The following TBL1Y variants were observed in gnomAD, a reference collection of about 807,000 sequenced individuals.
TBL1Y encodes the protein F-box-like/WD repeat-containing protein TBL1Y.
Under a neutral mutation model 12.0 loss-of-function variants are expected in TBL1Y, and 15 were observed. That is an observed-to-expected ratio of 1.25 (90% CI 0.83 to 1.92). The LOEUF is 1.92. TBL1Y is among the 40% of genes most tolerant of loss of function. The pLI, the probability that TBL1Y is intolerant of heterozygous loss-of-function variation, is 0.00. For missense variants in TBL1Y, 148 were observed against 116.7 expected, an observed-to-expected ratio of 1.27 and a Z score of -1.24; for synonymous variants, 53 against 42.6, an observed-to-expected ratio of 1.24 and a Z score of -0.95.
chrY:6,934,874 C>T (rs2011892529), intron 2 of TBL1Y, among the ~76,000 whole-genome samples: 39 of 32,066 alleles, frequency 1.2e-3, no homozygotes, highest in African/African-American at 4.8e-3. Context: ...CTTTTTATAT[C>T]AAGATCTTGC....
At chrY:6,968,116 G>A (rs1281937237) in intron 2 of TBL1Y, among the ~76,000 whole-genome samples, 67 of 33,142 alleles carry the variant, frequency 2.0e-3, no homozygotes, top group Non-Finnish European at 3.7e-4. Flanking sequence ...TTTGGATAAG[G>A]GACCAACCTA....
intron 2 of TBL1Y, among the ~76,000 whole-genome samples, chrY:6,914,908 T>C: frequency 3.0e-5 from 1 of 33,527 alleles, no homozygotes; most frequent in Non-Finnish European, 7.3e-5. Context: ...TGACAACCTC[T>C]AGTTTTAGAT....
chrY:6,979,385 A>G (rs1030206152), intron 3 of TBL1Y, among the ~76,000 whole-genome samples: 1 of 34,043 alleles, frequency 2.9e-5, no homozygotes. Context: ...AAAAGATTCC[A>G]TGTTCTATAG....
intron 4 of TBL1Y, among the ~76,000 whole-genome samples, chrY:7,008,147 T>C (rs2012498767): frequency 3.0e-5 from 1 of 33,498 alleles, no homozygotes; most frequent in African/African-American, 1.2e-4. Flanking sequence ...TAGAGTGTGG[T>C]TGAGATGTGC....
chrY:6,977,625 C>A (rs2012253840), intron 2 of TBL1Y, among the ~76,000 whole-genome samples: 31 of 33,142 alleles, frequency 9.4e-4, no homozygotes, highest in Non-Finnish European at 6.7e-4. Flanking sequence ...CACCTATCAC[C>A]TTTTTAAAAC....
At chrY:6,934,280 TA>T in intron 2 of TBL1Y, among the ~76,000 whole-genome samples, 1 of 32,922 alleles carries the variant, frequency 3.0e-5, no homozygotes, top group Middle Eastern at 0.014. Flanking sequence ...TAGTGAGTGC[TA>T]ACTCTCCTCC....
intron 6 of TBL1Y, among the ~76,000 whole-genome samples, chrY:7,041,567 GA>G: frequency 3.0e-5 from 1 of 33,373 alleles, no homozygotes; most frequent in Non-Finnish European, 7.4e-5. Context: ...AAAGGAAGGT[GA>G]ATATACAGAG....
At chrY:7,060,887 C>T in intron 7 of TBL1Y, among the ~76,000 whole-genome samples, 3 of 31,972 alleles carry the variant, frequency 9.4e-5, no homozygotes, top group East Asian at 1.6e-3. Flanking sequence ...TCTGTCACCC[C>T]GAAGGAACCA....
At chrY:6,938,311 C>T (rs1603027008) in intron 2 of TBL1Y, among the ~76,000 whole-genome samples, 2 of 33,927 alleles carry the variant, frequency 5.9e-5, no homozygotes, top group South Asian at 1.4e-3. Context: ...AATTACCACA[C>T]ACTCACTGGC....
chrY:6,953,278 A>C, intron 2 of TBL1Y, among the ~76,000 whole-genome samples: 1 of 33,794 alleles, frequency 3.0e-5, no homozygotes, highest in East Asian at 7.9e-4. Flanking sequence ...AGTGTTTTCC[A>C]ACTTGGTTCC....
intron 7 of TBL1Y, among the ~76,000 whole-genome samples, chrY:7,048,443 A>C: frequency 3.0e-5 from 1 of 33,418 alleles, no homozygotes. Context: ...TAAAGAAGTG[A>C]AAACCTTTCA....
chrY:7,014,127 G>A, intron 4 of TBL1Y, among the ~76,000 whole-genome samples: 2 of 33,355 alleles, frequency 6.0e-5, no homozygotes, highest in South Asian at 6.9e-4. Context: ...CAAATCTCAC[G>A]TTGAATTGTA....
chrY:7,086,124 C>A (rs1016335980), intron 15 of TBL1Y, 152 bp downstream of exon 15: 331 of 244,533 alleles, frequency 1.4e-3, no homozygotes, highest in Non-Finnish European at 3.6e-4. Flanking sequence ...TCTCAGTCAG[C>A]GTCCTACTGA....
At chrY:7,074,023 C>CTTGGAAAAG (rs2013047916) in intron 12 of TBL1Y, among the ~76,000 whole-genome samples, 1 of 33,802 alleles carries the variant, frequency 3.0e-5, no homozygotes, top group Admixed American at 2.7e-4. Flanking sequence ...TTATGCAGCC[C>CTTGGAAAAG]TGCACTTGGA....
intron 3 of TBL1Y, among the ~76,000 whole-genome samples, chrY:6,991,677 G>A: frequency 3.0e-5 from 1 of 33,508 alleles, no homozygotes; most frequent in South Asian, 6.9e-4. Context: ...CTACCAGTGC[G>A]TTGATCTCTG....
intron 7 of TBL1Y, among the ~76,000 whole-genome samples, chrY:7,050,702 C>A (rs2012791777): frequency 6.7e-5 from 2 of 30,003 alleles, no homozygotes; most frequent in African/African-American, 1.3e-4. Flanking sequence ...TCTGCAGGCC[C>A]AATAAAGGTA....
rs200332530 is a variant in TBL1Y, at chrY:7,063,916, G to T, written c.224G>T (p.Ser75Ile). ...SINKDGTVFD[S>I]RPIESLSLIV... ...CCCCAGGATGGCACAGTGTTCGACA[G>T]CCGCCCTATAGAGTCCCTGTCCCTG... Residue 75 changes from serine (S) to isoleucine (I), a missense_variant, in exon 8 of 19, where the codon AGC becomes ATC. Transcript: ENST00000383032. The T allele has an allele frequency of 1.5e-3, 604 of 395,730 alleles. No individual in the cohort carries two copies. In the Middle Eastern group the frequency reaches 0.021, roughly 14 times the overall value.
At chrY:7,046,809 G>C (rs764362564) in intron 7 of TBL1Y, among the ~76,000 whole-genome samples, 15 of 33,915 alleles carry the variant, frequency 4.4e-4, no homozygotes, top group Non-Finnish European at 9.5e-4. Context: ...CATATATAAG[G>C]CTGGCTACAA....
chrY:7,062,614 G>C, intron 7 of TBL1Y, among the ~76,000 whole-genome samples: 1 of 32,810 alleles, frequency 3.0e-5, no homozygotes, highest in Non-Finnish European at 7.5e-5. Context: ...TCAGGTTCAA[G>C]GTTCAATGTC....
Sources: gnomAD v4.1 joint callset for allele counts (sites outside exome capture counted in the v4.1 genomes callset) on GRCh38, gnomAD v4.1.1 for gene constraint, MANE v1.5 for transcripts, NCBI Gene and HGNC (gene_info 2026-07-23, HGNC 2026-07-21) for gene names.